Variants in SNX29 observed in about 807,000 individuals in gnomAD.
SNX29 encodes the protein sorting nexin 29, also known as sorting nexin-29.
In SNX29, 78 loss-of-function variants were observed where a neutral mutation model predicts 102.1. That is an observed-to-expected ratio of 0.76 (90% CI 0.64 to 0.92). SNX29 has a LOEUF of 0.92. SNX29 is among the 40% of genes least tolerant of loss of function. The probability of loss-of-function intolerance (pLI) is 0.00; values close to 1 mark genes in which losing one functional copy is unlikely to be tolerated. For missense variants in SNX29, 1,280 were observed against 1,061.7 expected, an observed-to-expected ratio of 1.21 and a Z score of -2.86; for synonymous variants, 580 against 414.5, an observed-to-expected ratio of 1.40 and a Z score of -4.85.
chr16:12,266,371 G>C (rs919179750), intron 14 of SNX29, among the ~76,000 whole-genome samples: 3 of 152,132 alleles, frequency 2.0e-5, no homozygotes, highest in Admixed American at 2.0e-4. Flanking sequence ...CATAGGGTAA[G>C]GGCTTAGTGC....
intron 14 of SNX29, among the ~76,000 whole-genome samples, chr16:12,245,453 G>A (rs926916247): frequency 2.0e-5 from 3 of 151,090 alleles, no homozygotes; most frequent in Non-Finnish European, 2.9e-5. Flanking sequence ...TCATCTGCTT[G>A]GGTTTTGAAT....
Position 12,571,132 on chromosome 16 carries a change from T to A in SNX29, c.*2503T>A, listed in dbSNP as rs891881667. On this transcript the variant is annotated 3_prime_UTR_variant, in exon 21 of 21. Coordinates refer to ENST00000566228, the MANE Select transcript of SNX29 (RefSeq NM_032167.5). ...ATCCCATAGAATGTTCTGCAATGAT[T>A]GGGTCCATCTTGCTGCTCAGAAGAA... 2.0e-4 allele frequency: 46 copies of A among 232,530 alleles called. 1 individual carries two copies. Among genetic ancestry groups the A allele is most frequent in the Admixed American group, 1.7e-4 (3 of 17,774 alleles). 14.4% of individuals were successfully genotyped at this position (232,530 alleles called of 1,614,324 possible).
At chr16:12,551,856 C>T (rs937046509) in intron 20 of SNX29, among the ~76,000 whole-genome samples, 1 of 152,128 alleles carries the variant, frequency 6.6e-6, no homozygotes, top group Non-Finnish European at 1.5e-5. Context: ...GACACAGGAG[C>T]AGGCAGGTGA....
intron 11 of SNX29, among the ~76,000 whole-genome samples, chr16:12,115,907 T>C (rs1307798546): frequency 6.6e-6 from 1 of 152,310 alleles, no homozygotes; most frequent in Non-Finnish European, 1.5e-5. Flanking sequence ...GGAGTATTCT[T>C]AGGGGAGCAG....
At position 12,532,394 on chromosome 16, in the gene SNX29, C is replaced by T. The variant is rs1428676611; in HGVS notation, c.2318+7553C>T. ...TCCCAGCAGCGTTCACTTGTGTTTCCCAGCGTTTGTATATTCATTCTAGGC... is the reference window on the plus strand; with the variant it reads ...TCCCAGCAGCGTTCACTTGTGTTTCTCAGCGTTTGTATATTCATTCTAGGC... On this transcript the variant is annotated intron_variant, in intron 20 of 20. Transcript: ENST00000566228. Among the ~76,000 whole-genome samples the T allele has an allele frequency of 2.0e-5, 3 of 152,154 alleles. No individual in the cohort carries two copies. In the South Asian group the frequency reaches 6.2e-4, roughly 31 times the overall value.
intron 13 of SNX29, among the ~76,000 whole-genome samples, chr16:12,179,177 G>T (rs2076327191): frequency 6.6e-6 from 1 of 152,124 alleles, no homozygotes; most frequent in Non-Finnish European, 1.5e-5. Context: ...TAATTGCCAA[G>T]AACATATAAA....
At chr16:12,432,528 G>A (rs555254068) in intron 18 of SNX29, among the ~76,000 whole-genome samples, 1 of 152,312 alleles carries the variant, frequency 6.6e-6, no homozygotes, top group Non-Finnish European at 1.5e-5. Flanking sequence ...AGAAGGCTGG[G>A]CAGGGCATCC....
At chr16:12,379,561 A>G (rs147369942) in intron 16 of SNX29, among the ~76,000 whole-genome samples, 31 of 152,344 alleles carry the variant, frequency 2.0e-4, no homozygotes, top group Admixed American at 7.2e-4. Context: ...TTCCAAAAAC[A>G]TCTTCTCAAA....
intron 20 of SNX29, among the ~76,000 whole-genome samples, chr16:12,539,702 T>G (rs2077237108): frequency 6.6e-6 from 1 of 152,242 alleles, no homozygotes; most frequent in African/African-American, 2.4e-5. Flanking sequence ...CATGTCATAC[T>G]GTCATGATTC....
intron 14 of SNX29, among the ~76,000 whole-genome samples, chr16:12,260,635 G>A (rs747477523): frequency 4.6e-5 from 4 of 86,140 alleles, no homozygotes; most frequent in Non-Finnish European, 1.1e-4. Flanking sequence ...TGCTCTCCAG[G>A]GCTTTCTTAG....
At chr16:12,465,556 C>G (rs574728117) in intron 18 of SNX29, among the ~76,000 whole-genome samples, 2 of 152,048 alleles carry the variant, frequency 1.3e-5, no homozygotes, top group Admixed American at 6.6e-5. Flanking sequence ...TTGTTCTGTT[C>G]TCATGGTCTA....
intron 16 of SNX29, among the ~76,000 whole-genome samples, chr16:12,365,409 G>T (rs2082436042): frequency 6.6e-6 from 1 of 151,526 alleles, no homozygotes. Flanking sequence ...CTCTTCGGAG[G>T]CCGGGCGTGG....
intron 8 of SNX29, among the ~76,000 whole-genome samples, chr16:12,058,495 G>GTTTTTTTTTTTTTTTTTTTTTTT (rs1249420541): frequency 9.4e-6 from 1 of 106,508 alleles, no homozygotes; most frequent in African/African-American, 3.9e-5. Context: ...TTGGTTTTTG[G>GTTTTTTTTTTTTTTTTTTTTTTT]TTTTTTTTTT....
chr16:12,076,664 A>G (rs1046156936), intron 10 of SNX29, among the ~76,000 whole-genome samples: 4 of 152,180 alleles, frequency 2.6e-5, no homozygotes, highest in Non-Finnish European at 5.9e-5. Context: ...TGGTGGCAGA[A>G]CTGAAATGGA....
At chr16:12,231,812 C>T (rs550250185) in intron 14 of SNX29, among the ~76,000 whole-genome samples, 18 of 152,172 alleles carry the variant, frequency 1.2e-4, no homozygotes, top group Non-Finnish European at 1.6e-4. Context: ...CATTGGAACT[C>T]CAGTAGGCAA....
chr16:12,013,500 A>AAAAAAAAAAAAAAAATATATATAT, intron 3 of SNX29, among the ~76,000 whole-genome samples: 1 of 31,632 alleles, frequency 3.2e-5, no homozygotes, highest in Non-Finnish European at 6.1e-5. Context: ...AAAAAAAAAA[A>AAAAAAAAAAAAAAAATATATATAT]ATATATATAT....
At chr16:12,535,672 C>T (rs985631949) in intron 20 of SNX29, among the ~76,000 whole-genome samples, 3 of 152,146 alleles carry the variant, frequency 2.0e-5, no homozygotes, top group Non-Finnish European at 4.4e-5. Flanking sequence ...AGGGCTGGGG[C>T]TTTCCAGGTC....
rs369265651 is a variant in SNX29 at position 12,359,319 on chromosome 16, GTTTTCCCACTTGTACCTACCAATACCT to G, written c.1899+3045_1899+3071del. ...TGACAGCAGAAGGAAAATGGTTCAT[GTTTTCCCACTTGTACCTACCAATACCT>G]TTTTGCATGAGATGGGTTTAACTTG... On this transcript the variant is annotated intron_variant, in intron 16 of 20. Coordinates refer to ENST00000566228, the MANE Select transcript of SNX29 (RefSeq NM_032167.5). Among the ~76,000 whole-genome samples, 457 of 152,300 alleles carry G rather than the reference GTTTTCCCACTTGTACCTACCAATACCT, an allele frequency of 3.0e-3. 2 individuals carry two copies. Among genetic ancestry groups the G allele is most frequent in the African/African-American group, 0.011 (439 of 41,554 alleles).
At chr16:12,088,124 A>G (rs1017271175) in intron 11 of SNX29, 2 of 456,542 alleles carry the variant, frequency 4.4e-6, no homozygotes, top group Non-Finnish European at 4.4e-6. Flanking sequence ...CTGAGGCTGC[A>G]GGGCACCAGC....
Sources: allele counts gnomAD v4.1 joint callset (sites outside exome capture counted in the v4.1 genomes callset), GRCh38; gene constraint gnomAD v4.1.1; transcripts MANE v1.5; gene names NCBI Gene and HGNC (gene_info 2026-07-23, HGNC 2026-07-21).